SORBS3: variants seen among roughly 807,000 people sequenced by gnomAD.
SORBS3 encodes vinexin.
In SORBS3, 69 loss-of-function variants were observed where a neutral mutation model predicts 98.0. The ratio of observed to expected loss-of-function variants is 0.70; its 90% CI spans 0.58 to 0.86. The LOEUF (loss-of-function observed/expected upper bound fraction) is 0.86, where lower values mean the gene tolerates loss of function less well. SORBS3 is among the 40% of genes least tolerant of loss of function. SORBS3 has a pLI of 0.00. For missense variants in SORBS3, 954 were observed against 908.5 expected (o/e 1.05, Z -0.64); for synonymous variants, 394 against 355.4 (o/e 1.11, Z -1.22).
upstream of SORBS3, among the ~76,000 whole-genome samples, chr8:22,548,959 G>A (rs576692037): frequency 2.4e-4 from 37 of 152,314 alleles, no homozygotes; most frequent in Non-Finnish European, 4.3e-4. Flanking sequence ...TGGTAGTCCC[G>A]TGGCTAATCC....
upstream of SORBS3, among the ~76,000 whole-genome samples, chr8:22,548,856 C>G (rs994373499): frequency 3.3e-5 from 5 of 152,326 alleles, no homozygotes; most frequent in South Asian, 2.1e-4. Context: ...GTGCTCTTTC[C>G]CCTCATTTGT....
intron 16 of SORBS3, 55 bp from the exon 17 acceptor site, chr8:22,569,093 C>A: frequency 6.6e-7 from 1 of 1,525,650 alleles, no homozygotes. Flanking sequence ...GAACCCCCAG[C>A]CTGTGCTATG....
At chr8:22,551,390 C>G (rs1168167752), upstream of SORBS3, among the ~76,000 whole-genome samples, 1 of 152,134 alleles carries the variant, frequency 6.6e-6, no homozygotes, top group Admixed American at 6.5e-5. This position sits in a 1 kb window ranked among gnomAD's most constrained non-coding sequence, Gnocchi z 5.8. Context: ...CCGGCCTGTC[C>G]GTCTCTCCCG....
rs781126715 is a variant in SORBS3 at position 22,554,966 on chromosome 8, C to G, written c.206C>G (p.Ala69Gly). The change falls in exon 3 of 21, where the codon GCT (alanine) becomes GGT (glycine). Residue 69 changes from alanine (A) to glycine (G), a missense_variant. By Grantham distance (60) the Ala-to-Gly change is moderately conservative (BLOSUM62 0). Coordinates refer to ENST00000240123, the MANE Select transcript of SORBS3 (RefSeq NM_005775.5). This position sits in a 1 kb window ranked among gnomAD's most constrained non-coding sequence, Gnocchi z 6.5. ...GGGGGCTACACACCAAGACGAGATG[C>G]TTCCCAGCACCCGGGTAGGTCTGCT... ...CNGGYTPRRD[A>G]SQHPDPAWYQ... is the part of the protein sequence containing the mutation. 1 of 1,613,462 alleles carries G rather than the reference C, an allele frequency of 6.2e-7. No homozygotes were observed. The highest frequency in any genetic ancestry group is 8.5e-7 in the Non-Finnish European group (1 of 1,179,812).
chr8:22,553,785 C>T (rs1028430668), intron 1 of SORBS3, among the ~76,000 whole-genome samples: 14 of 152,240 alleles, frequency 9.2e-5, no homozygotes, highest in Non-Finnish European at 1.9e-4. Context: ...TGCCCTCACC[C>T]ACCGCTTCTG....
intron 16 of SORBS3, 30 bp downstream of exon 16, chr8:22,567,205 C>G: frequency 6.5e-5 from 77 of 1,193,544 alleles, no homozygotes; most frequent in Non-Finnish European, 8.6e-5. Context: ...GCAAGTGGGG[C>G]TGGGCTGGGA....
chr8:22,551,438 C>T (rs1840079365), upstream of SORBS3, among the ~76,000 whole-genome samples: 1 of 152,100 alleles, frequency 6.6e-6, no homozygotes. This position sits in a 1 kb window ranked among gnomAD's most constrained non-coding sequence, Gnocchi z 5.8. Flanking sequence ...CTTGTCCTGG[C>T]TCCGCCCGGT....
At position 22,574,916 on chromosome 8, in the gene SORBS3, C is replaced by T; in HGVS notation, c.*188C>T. 1.4e-6 allele frequency: 1 copy of T among 696,614 alleles called. No individual in the cohort carries two copies. Among genetic ancestry groups the T allele is most frequent in the South Asian group, 1.5e-5 (1 of 67,410 alleles). 43.2% of individuals were successfully genotyped at this position (696,614 alleles called of 1,614,324 possible). A position where few individuals can be genotyped will look rare whatever the true frequency, so the allele number is the denominator to read the frequency against. On this transcript the variant is annotated 3_prime_UTR_variant, in exon 21 of 21. Coordinates refer to ENST00000240123, the MANE Select transcript of SORBS3 (RefSeq NM_005775.5). ...CCTGGACTGATTCCCACCCACGACT[C>T]ACAGGCATTCCTCCCACAGCCCTTT...
upstream of SORBS3, among the ~76,000 whole-genome samples, chr8:22,547,179 G>A (rs1001342038): frequency 2.0e-5 from 3 of 152,140 alleles, no homozygotes; most frequent in Non-Finnish European, 4.4e-5. Context: ...GTAAAATTAG[G>A]TAAGATTTGC....
Position 22,569,066 on chromosome 8 carries a change from T to A in SORBS3, c.1306-82T>A. The A allele has an allele frequency of 2.1e-6, 3 of 1,412,358 alleles. No individual in the cohort carries two copies. The South Asian group carries it at 4.6e-5, about 22-fold the overall frequency. The allele number at this position is 1,412,358 out of a possible 1,614,324, so 87.5% of individuals were successfully genotyped here. A position where few individuals can be genotyped will look rare whatever the true frequency, so the allele number is the denominator to read the frequency against. On this transcript the variant is annotated intron_variant, in intron 16 of 20. Coordinates refer to ENST00000240123, the MANE Select transcript of SORBS3 (RefSeq NM_005775.5). The stretch of plus-strand genomic sequence containing the variant: ...TCTGCCTAGGGGCGGGCCCACCTTC[T>A]CTTTGCTGTCTCACAGGAACCCCCA...
chr8:22,570,640 G>A (rs996935741), intron 17 of SORBS3, among the ~76,000 whole-genome samples: 35 of 152,274 alleles, frequency 2.3e-4, no homozygotes, highest in African/African-American at 8.2e-4. Flanking sequence ...GCTCTGGGGA[G>A]GGACCTTGCT....
At chr8:22,568,974 C>T (rs1223691205) in intron 16 of SORBS3, among the ~76,000 whole-genome samples, 174 bp from the exon 17 acceptor site, 2 of 152,254 alleles carry the variant, frequency 1.3e-5, no homozygotes, top group African/African-American at 4.8e-5. Flanking sequence ...CCCCATCCTC[C>T]AGCACCCTTT....
At chr8:22,564,617 A>G in intron 10 of SORBS3, 96 bp downstream of exon 10, 1 of 1,526,562 alleles carries the variant, frequency 6.6e-7, no homozygotes, top group Non-Finnish European at 9.0e-7. Flanking sequence ...CCACGAACTA[A>G]GAGCTCTCTC....
chr8:22,556,657 A>G, intron 3 of SORBS3, 58 bp from the exon 4 acceptor site: 1 of 1,500,522 alleles, frequency 6.7e-7, no homozygotes, highest in Non-Finnish European at 9.2e-7. Flanking sequence ...TAAGGGACAC[A>G]CAGGTTCAGG....
rs1330022265 is a variant in SORBS3, at chr8:22,565,860, G to C, written c.938G>C (p.Arg313Pro). 7.9e-7 allele frequency: 1 copy of C among 1,272,440 alleles called. No homozygotes were observed. The highest frequency in any genetic ancestry group is 9.9e-7 in the Non-Finnish European group (1 of 1,009,416). The allele number at this position is 1,272,440 out of a possible 1,614,324, so 78.8% of individuals were successfully genotyped here. The change falls in exon 12 of 21, where the codon CGG becomes CCG. Residue 313 changes from arginine (R) to proline (P), a missense_variant. Transcript: ENST00000240123. ...SPAPRRAPEQ[R>P]PPAGPASAWS... ...GCGCCCCGACGGGCCCCGGAGCAGC[G>C]GCCCCCGGCCGGGTGAGTGGGAGAC... is the stretch of plus-strand genomic sequence containing the variant.
At chr8:22,548,051 C>T (rs1380504089), upstream of SORBS3, among the ~76,000 whole-genome samples, 2 of 152,226 alleles carry the variant, frequency 1.3e-5, no homozygotes, top group African/African-American at 4.8e-5. Flanking sequence ...GTTCCATGCA[C>T]CCATCCTGGC....
Position 22,574,771 on chromosome 8 carries a change from G to T in SORBS3, c.*43G>T. ...TTGGAGCCAGCCAGGATGGGGTGGG[G>T]AGCGGTGGCACTCGTGGGAGGGAGA... On this transcript the variant is annotated 3_prime_UTR_variant, in exon 21 of 21. Coordinates refer to ENST00000240123, the MANE Select transcript of SORBS3 (RefSeq NM_005775.5). The T allele has an allele frequency of 6.3e-7, 1 of 1,593,498 alleles. No homozygotes were observed. The highest frequency in any genetic ancestry group is 8.6e-7 in the Non-Finnish European group (1 of 1,161,840).
intron 1 of SORBS3, among the ~76,000 whole-genome samples, chr8:22,552,255 G>T (rs1840096599): frequency 6.6e-6 from 1 of 152,142 alleles, no homozygotes; most frequent in Non-Finnish European, 1.5e-5. Flanking sequence ...GGCACCCAAG[G>T]TCAGGGCAGT....
Position 22,571,157 on chromosome 8 carries a change from G to T in SORBS3, c.1679G>T (p.Gly560Val). 1 of 1,592,098 alleles carries T rather than the reference G, an allele frequency of 6.3e-7. No individual in the cohort carries two copies. Among genetic ancestry groups the T allele is most frequent in the South Asian group, 1.1e-5 (1 of 90,634 alleles). The change falls in exon 18 of 21, where the codon GGA becomes GTA. Residue 560 changes from glycine (G) to valine (V), a missense_variant. By Grantham distance (109) the Gly-to-Val change is moderately radical. Transcript: ENST00000240123. ...RSPADPIDLG[G>V]QTSPRRTGFS... ...CCAGCTGACCCCATCGACTTGGGGG[G>T]ACAGACCTCCCCCCGTCGCACTGGC...
Sources: allele counts gnomAD v4.1 joint callset (sites outside exome capture counted in the v4.1 genomes callset), GRCh38; gene constraint gnomAD v4.1.1; non-coding constraint Gnocchi (gnomAD v3.1); transcripts MANE v1.5; gene names NCBI Gene and HGNC (gene_info 2026-07-23, HGNC 2026-07-21).